SHANK2: variants seen among roughly 807,000 people sequenced by gnomAD.
The protein encoded by SHANK2 is SH3 and multiple ankyrin repeat domains protein 2.
In SHANK2, 43 loss-of-function variants were observed where a neutral mutation model predicts 133.7. The ratio of observed to expected loss-of-function variants is 0.32; its 90% CI spans 0.25 to 0.41. SHANK2 has a LOEUF of 0.41. Ranked by LOEUF, SHANK2 falls within the 10% of genes least tolerant of loss-of-function variation. The pLI, the probability that SHANK2 is intolerant of heterozygous loss-of-function variation, is 1.00. For missense variants in SHANK2, 1,994 were observed against 2,235.8 expected, an observed-to-expected ratio of 0.89 and a Z score of 2.18; for synonymous variants, 1,017 against 952.8, an observed-to-expected ratio of 1.07 and a Z score of -1.24.
rs553472544 is a variant in SHANK2 at position 70,698,381 on chromosome 11, C to T, written c.1853+307G>A. The stretch of plus-strand genomic sequence containing the variant: ...CTGCTGCCCCAATACTGCCTCAAGG[C>T]TCCTGTGGCCCACTGCCGTCATCCT... On this transcript the variant is annotated intron_variant, in intron 15 of 25. Coordinates refer to ENST00000601538, the MANE Select transcript of SHANK2 (RefSeq NM_012309.5). 6.6e-6 allele frequency: 3 copies of T among 453,474 alleles called. No individual in the cohort carries two copies. The East Asian group carries it at 1.3e-4, about 19-fold the overall frequency. 28.1% of individuals were successfully genotyped at this position (453,474 alleles called of 1,614,324 possible).
chr11:71,195,038 G>A (rs1274712441), intron 2 of SHANK2, among the ~76,000 whole-genome samples: 3 of 152,206 alleles, frequency 2.0e-5, no homozygotes, highest in African/African-American at 7.2e-5. Flanking sequence ...CGTGTTGTAT[G>A]TAAAATCCAG....
intron 17 of SHANK2, among the ~76,000 whole-genome samples, chr11:70,626,855 T>C (rs1461897436): frequency 6.6e-6 from 1 of 152,142 alleles, no homozygotes; most frequent in African/African-American, 2.4e-5. Context: ...CCAAGCCACA[T>C]CATGACACTC....
intron 6 of SHANK2, among the ~76,000 whole-genome samples, chr11:71,107,134 T>C (rs1590918352): frequency 6.7e-6 from 1 of 149,778 alleles, no homozygotes. Context: ...GAAAGGGGAG[T>C]GGAGGGGTAA....
Position 70,516,786 on chromosome 11 carries a change from G to A in SHANK2, c.2062-13855C>T, listed in dbSNP as rs114252129. ...AAGAAAACAACTGAATATAAAAATG[G>A]GGCTGGGCATGGTGGCTCATGCTTG... On this transcript the variant is annotated intron_variant, in intron 17 of 25. Transcript: ENST00000601538. Among the ~76,000 whole-genome samples, 838 of 152,210 alleles carry A rather than the reference G, an allele frequency of 5.5e-3. 13 individuals carry two copies. The highest frequency in any genetic ancestry group is 0.019 in the African/African-American group (802 of 41,544).
Position 71,232,534 on chromosome 11 carries a change from C to A in SHANK2, c.-112-7738G>T, listed in dbSNP as rs1050471323. Among the ~76,000 whole-genome samples the A allele has an allele frequency of 2.0e-5, 3 of 152,008 alleles. No homozygotes were observed. In the East Asian group the frequency reaches 5.8e-4, roughly 30 times the overall value. ...AAGACCAACCCCTTCTCCTCCTCCTCCTCTTTCCCCCCTCCTCTCCTCCTC... is the reference window on the plus strand; with the variant it reads ...AAGACCAACCCCTTCTCCTCCTCCTACTCTTTCCCCCCTCCTCTCCTCCTC... On this transcript the variant is annotated intron_variant, in intron 1 of 25. Coordinates refer to ENST00000601538, the MANE Select transcript of SHANK2 (RefSeq NM_012309.5).
intron 14 of SHANK2, among the ~76,000 whole-genome samples, chr11:70,774,550 C>T (rs1463274302): frequency 6.6e-6 from 1 of 152,140 alleles, no homozygotes; most frequent in Non-Finnish European, 1.5e-5. Context: ...GAACTCCTGA[C>T]CTCAGGTGAT....
At chr11:70,554,691 C>T (rs550824323) in intron 17 of SHANK2, among the ~76,000 whole-genome samples, 1 of 152,186 alleles carries the variant, frequency 6.6e-6, no homozygotes, top group Admixed American at 6.5e-5. Flanking sequence ...ATTGTATATT[C>T]GTTGGTTGTA....
At chr11:71,095,823 C>A (rs186963938) in intron 6 of SHANK2, among the ~76,000 whole-genome samples, 36 of 152,376 alleles carry the variant, frequency 2.4e-4, no homozygotes, top group South Asian at 1.2e-3. Context: ...ACATGCTTAA[C>A]CCCTCCATGT....
chr11:71,105,734 C>G (rs1951793377), intron 6 of SHANK2, among the ~76,000 whole-genome samples: 1 of 151,872 alleles, frequency 6.6e-6, no homozygotes, highest in Non-Finnish European at 1.5e-5. Flanking sequence ...GCAAAACTGA[C>G]AACGTACAAC....
At chr11:71,193,413 C>G (rs573154918) in intron 2 of SHANK2, among the ~76,000 whole-genome samples, 77 of 152,326 alleles carry the variant, frequency 5.1e-4, no homozygotes, top group African/African-American at 1.7e-3. Context: ...GGCTCCACTA[C>G]GATCAGCAGA....
At chr11:70,772,285 C>T (rs1489180856) in intron 14 of SHANK2, among the ~76,000 whole-genome samples, 3 of 151,672 alleles carry the variant, frequency 2.0e-5, no homozygotes, top group Non-Finnish European at 4.4e-5. Context: ...AAGAAAAATA[C>T]AAAAATTAGC....
chr11:70,702,910 C>T (rs1440862917), intron 14 of SHANK2, among the ~76,000 whole-genome samples: 1 of 152,202 alleles, frequency 6.6e-6, no homozygotes, highest in Non-Finnish European at 1.5e-5. Context: ...AGTAACAGTC[C>T]CTCCTTAAAG....
In SHANK2 at chr11:70,955,400, C is replaced by T. The variant is rs546824919; in HGVS notation, c.1108-58833G>A. Reference sequence around the variant, plus strand: ...GTTCCCCTATGCTTCAGCCAGGGTTCTCCAGAGACACAGACCCACGGGGTG... The same window carrying T: ...GTTCCCCTATGCTTCAGCCAGGGTTTTCCAGAGACACAGACCCACGGGGTG... On this transcript the variant is annotated intron_variant, in intron 10 of 25. Transcript: ENST00000601538. Among the ~76,000 whole-genome samples the T allele has an allele frequency of 2.0e-5, 3 of 149,318 alleles. No individual in the cohort carries two copies. In the South Asian group the frequency reaches 6.4e-4, roughly 32 times the overall value.
intron 17 of SHANK2, among the ~76,000 whole-genome samples, chr11:70,632,224 C>T (rs1439196408): frequency 6.6e-6 from 1 of 152,108 alleles, no homozygotes; most frequent in Non-Finnish European, 1.5e-5. Flanking sequence ...CGGGTTCATG[C>T]CATTCTCCTG....
chr11:71,201,699 C>T (rs1189076055), intron 2 of SHANK2, among the ~76,000 whole-genome samples: 3 of 152,176 alleles, frequency 2.0e-5, no homozygotes, highest in African/African-American at 7.2e-5. Context: ...AGAGTGGGTA[C>T]AAAGCAGAGA....
At position 70,739,212 on chromosome 11, in the gene SHANK2, G is replaced by A. The variant is rs1259174798; in HGVS notation, c.1778-40449C>T. On this transcript the variant is annotated intron_variant, in intron 14 of 25. Coordinates refer to ENST00000601538, the MANE Select transcript of SHANK2 (RefSeq NM_012309.5). This position sits in a 1 kb window ranked among gnomAD's most constrained non-coding sequence, Gnocchi z 4.3. ...ACCTCAGCCAGAGGGCCTGATGGTG[G>A]GGATGCGGCATGTGAACTTCAGGGG... 6.6e-6 allele frequency among the ~76,000 whole-genome samples: 1 copy of A among 152,190 alleles called. No homozygotes were observed. Among genetic ancestry groups the A allele is most frequent in the Non-Finnish European group, 1.5e-5 (1 of 68,036 alleles).
At chr11:70,582,576 C>T (rs1425151051) in intron 17 of SHANK2, among the ~76,000 whole-genome samples, 1 of 152,238 alleles carries the variant, frequency 6.6e-6, no homozygotes, top group Non-Finnish European at 1.5e-5. Flanking sequence ...GCAAACCTCT[C>T]CCCTCGTTCA....
Position 70,798,508 on chromosome 11 carries a change from T to C in SHANK2, c.1712A>G (p.His571Arg), listed in dbSNP as rs1555049733. The change falls in exon 14 of 26, where the codon CAC becomes CGC. Residue 571 changes from histidine to arginine, a missense_variant. Physicochemically the swap from His to Arg is conservative, Grantham distance 29. This residue lies in a region of SHANK2 where 653 missense variants were observed against 563.4 expected (regional missense o/e 1.16). Transcript: ENST00000601538. Reference protein sequence around the residue: ...GGFWEGSARGHIGWFPAECVE... With the variant: ...GGFWEGSARGRIGWFPAECVE... ...GCACTCCGCCGGAAACCATCCGATG[T>C]GGCCGCGGGCGCTGCCTTCCCAGAA... 2.8e-6 allele frequency: 2 copies of C among 718,600 alleles called. No homozygotes were observed. Among genetic ancestry groups the C allele is most frequent in the East Asian group, 2.7e-5 (1 of 37,280 alleles). 44.5% of individuals were successfully genotyped at this position (718,600 alleles called of 1,614,324 possible). A position where few individuals can be genotyped will look rare whatever the true frequency, so the allele number is the denominator to read the frequency against.
chr11:70,651,963 A>C (rs2061344236), intron 17 of SHANK2, among the ~76,000 whole-genome samples: 1 of 152,256 alleles, frequency 6.6e-6, no homozygotes, highest in South Asian at 2.1e-4. Flanking sequence ...AGTCTCTCAC[A>C]ATACCCCAAA....
Sources: allele counts gnomAD v4.1 joint callset (sites outside exome capture counted in the v4.1 genomes callset), GRCh38; gene constraint gnomAD v4.1.1; regional missense constraint gnomAD v4.1.1; non-coding constraint Gnocchi (gnomAD v3.1); transcripts MANE v1.5; gene names NCBI Gene and HGNC (gene_info 2026-07-23, HGNC 2026-07-21).